The following ANTXR2 variants were observed in gnomAD, a reference collection of about 807,000 sequenced individuals.
ANTXR2 encodes anthrax toxin receptor 2.
Under a neutral mutation model 73.7 loss-of-function variants are expected in ANTXR2, and 44 were observed. That is an observed-to-expected ratio of 0.60 (90% CI 0.47 to 0.77). The LOEUF (loss-of-function observed/expected upper bound fraction) is 0.77, where lower values mean the gene tolerates loss of function less well. Among genes scored for constraint, ANTXR2 ranks in the 30% least tolerant of loss-of-function variants. The pLI, the probability that ANTXR2 is intolerant of heterozygous loss-of-function variation, is 0.00. For missense variants in ANTXR2, 604 were observed against 592.5 expected, an observed-to-expected ratio of 1.02 and a Z score of -0.20; for synonymous variants, 217 against 205.9, an observed-to-expected ratio of 1.05 and a Z score of -0.46.
intron 16 of ANTXR2, among the ~76,000 whole-genome samples, chr4:79,950,047 A>C (rs993287827): frequency 1.3e-5 from 2 of 152,298 alleles, no homozygotes; most frequent in African/African-American, 4.8e-5. Context: ...AAACTATTAG[A>C]AAACTTCAAT....
intron 2 of ANTXR2, among the ~76,000 whole-genome samples, chr4:80,070,455 G>C (rs1427738153): frequency 6.6e-6 from 1 of 152,142 alleles, no homozygotes; most frequent in African/African-American, 2.4e-5. Context: ...TCACATTGAA[G>C]GATTAAATTA....
At chr4:79,925,773 C>T (rs2109951632) in intron 16 of ANTXR2, among the ~76,000 whole-genome samples, 1 of 152,186 alleles carries the variant, frequency 6.6e-6, no homozygotes, top group South Asian at 2.1e-4. Flanking sequence ...ATCAGTGTAA[C>T]AATGTTCATC....
rs1726782542 is a variant in ANTXR2 at position 79,903,369 on chromosome 4, TCTCACA to T, written c.*4054_*4059del. ...CTCTGTTTCTCTCTCTCTCTCTCTC[TCTCACA>T]CACACACACACAATTTACCTTAATA... On this transcript the variant is annotated 3_prime_UTR_variant, in exon 17 of 17. Transcript: ENST00000403729. 1 of 149,028 alleles carries T rather than the reference TCTCACA, an allele frequency of 6.7e-6. No homozygotes were observed. The highest frequency in any genetic ancestry group is 2.2e-4 in the South Asian group (1 of 4,562). The allele number at this position is 149,028 out of a possible 1,614,324, so 9.2% of individuals were successfully genotyped here.
intron 16 of ANTXR2, among the ~76,000 whole-genome samples, chr4:79,931,002 T>C (rs902856696): frequency 1.3e-5 from 2 of 152,228 alleles, no homozygotes; most frequent in Admixed American, 1.3e-4. Flanking sequence ...CCTGATTATA[T>C]GTTGAATATA....
rs532543363 is a variant in ANTXR2, at chr4:80,063,046, T to G, written c.296+6390A>C. 9.2e-5 allele frequency among the ~76,000 whole-genome samples: 14 copies of G among 152,252 alleles called. No homozygotes were observed. In the South Asian group the frequency reaches 2.9e-3, roughly 32 times the overall value. ...AAATGAGAAAAAATTAAAAGGTAGT[T>G]AGTTGCAGGTAGGCGATAGAAGCAA... is the stretch of plus-strand genomic sequence containing the variant. On this transcript the variant is annotated intron_variant, in intron 3 of 16. Coordinates refer to ENST00000403729, the MANE Select transcript of ANTXR2 (RefSeq NM_058172.6).
At chr4:79,951,007 T>C (rs1003906506) in intron 16 of ANTXR2, among the ~76,000 whole-genome samples, 1 of 152,178 alleles carries the variant, frequency 6.6e-6, no homozygotes, top group African/African-American at 2.4e-5. Flanking sequence ...AGGTGGTTCC[T>C]GCATTAGCCC....
chr4:79,935,890 C>T (rs918434207), intron 16 of ANTXR2, among the ~76,000 whole-genome samples: 2 of 152,176 alleles, frequency 1.3e-5, no homozygotes, highest in African/African-American at 4.8e-5. Context: ...TGTGGTCCAG[C>T]TGTTGCATAG....
At chr4:79,915,259 G>A (rs1205911389) in intron 16 of ANTXR2, among the ~76,000 whole-genome samples, 2 of 152,052 alleles carry the variant, frequency 1.3e-5, no homozygotes, top group South Asian at 2.1e-4. Flanking sequence ...TGTTGCCTAG[G>A]TATAGAGACC....
chr4:79,934,974 A>G (rs1224054664), intron 16 of ANTXR2, among the ~76,000 whole-genome samples: 6 of 152,114 alleles, frequency 3.9e-5, no homozygotes, highest in African/African-American at 1.4e-4. Context: ...GGATAGCATT[A>G]GGAGATATAC....
chr4:79,988,711 G>A (rs1052857978), intron 12 of ANTXR2, among the ~76,000 whole-genome samples: 4 of 151,974 alleles, frequency 2.6e-5, no homozygotes, highest in African/African-American at 9.7e-5. Context: ...ATCTGCATAT[G>A]GCACATACTC....
intron 16 of ANTXR2, among the ~76,000 whole-genome samples, chr4:79,956,785 AC>A (rs1270620407): frequency 5.3e-5 from 8 of 152,102 alleles, no homozygotes; most frequent in Admixed American, 3.3e-4. Context: ...GCGCGCGCAC[AC>A]ACACACACTC....
At chr4:79,927,148 G>T (rs184780487) in intron 16 of ANTXR2, among the ~76,000 whole-genome samples, 1 of 151,742 alleles carries the variant, frequency 6.6e-6, no homozygotes, top group African/African-American at 2.4e-5. Flanking sequence ...AAAGGACACT[G>T]TGGCAAGCGA....
chr4:79,926,965 A>ATGTGTATATATACACATGTGCATATATG (rs1727825565), intron 16 of ANTXR2, among the ~76,000 whole-genome samples: 4 of 46,446 alleles, frequency 8.6e-5, no homozygotes, highest in African/African-American at 3.2e-4. Flanking sequence ...GTGTGCATAT[A>ATGTGTATATATACACATGTGCATATATG]TGTGTATATA....
chr4:80,059,357 T>C (rs370035402), intron 3 of ANTXR2, among the ~76,000 whole-genome samples: 3 of 151,932 alleles, frequency 2.0e-5, no homozygotes, highest in African/African-American at 7.2e-5. Flanking sequence ...CGCTTTCATT[T>C]AGAGGCTTCA....
chr4:79,945,055 G>A (rs960734247), intron 16 of ANTXR2, among the ~76,000 whole-genome samples: 1 of 152,016 alleles, frequency 6.6e-6, no homozygotes, highest in Non-Finnish European at 1.5e-5. Flanking sequence ...AGCTTTACTG[G>A]AGATAGATTC....
At chr4:80,015,078 T>A (rs900282312) in intron 11 of ANTXR2, among the ~76,000 whole-genome samples, 1 of 152,196 alleles carries the variant, frequency 6.6e-6, no homozygotes, top group Non-Finnish European at 1.5e-5. Context: ...AATTGTCCCA[T>A]TTTTCTTCCC....
intron 12 of ANTXR2, among the ~76,000 whole-genome samples, chr4:80,002,434 T>C (rs1269259254): frequency 2.0e-5 from 3 of 152,128 alleles, no homozygotes; most frequent in Non-Finnish European, 4.4e-5. Flanking sequence ...GACTTAAACG[T>C]TAGACCTAAA....
At chr4:79,976,176 T>A (rs542881856) in intron 16 of ANTXR2, among the ~76,000 whole-genome samples, 2 of 152,102 alleles carry the variant, frequency 1.3e-5, no homozygotes, top group South Asian at 4.2e-4. Context: ...CTTCCCAAAG[T>A]GCTGGGATTA....
chr4:79,986,329 A>G (rs1166189365), intron 12 of ANTXR2, among the ~76,000 whole-genome samples: 1 of 152,170 alleles, frequency 6.6e-6, no homozygotes, highest in Admixed American at 6.5e-5. Flanking sequence ...TATGCTATTA[A>G]ATTTTCAAAG....
Sources: gnomAD v4.1 joint callset for allele counts (sites outside exome capture counted in the v4.1 genomes callset) on GRCh38, gnomAD v4.1.1 for gene constraint, MANE v1.5 for transcripts, NCBI Gene and HGNC (gene_info 2026-07-23, HGNC 2026-07-21) for gene names.